The following TCF12 variants were observed in gnomAD, a reference collection of about 807,000 sequenced individuals.
TCF12 encodes the protein DNA-binding protein HTF4.
In TCF12, 45 loss-of-function variants were observed where a neutral mutation model predicts 86.0. The ratio of observed to expected loss-of-function variants is 0.52; its 90% CI spans 0.41 to 0.67. TCF12 has a LOEUF of 0.67. Among genes scored for constraint, TCF12 ranks in the 30% least tolerant of loss-of-function variants. The pLI, the probability that TCF12 is intolerant of heterozygous loss-of-function variation, is 0.00. For missense variants in TCF12, 881 were observed against 859.9 expected (o/e 1.02, Z -0.31); for synonymous variants, 330 against 299.6 (o/e 1.10, Z -1.05).
intron 4 of TCF12, among the ~76,000 whole-genome samples, chr15:57,077,325 ATATGTGTGTGTGTGTGTGTGTGTG>A (rs147609501): frequency 0.019 from 2,438 of 127,188 alleles, 201 homozygotes; most frequent in African/African-American, 0.065. Context: ...ATATGTATAT[ATATGTGTGTGTGTGTGTGTGTGTG>A]TGTGTGTGTG....
chr15:56,990,241 C>CTG (rs1298995605), intron 3 of TCF12, among the ~76,000 whole-genome samples: 14 of 122,864 alleles, frequency 1.1e-4, no homozygotes, highest in East Asian at 4.9e-4. Flanking sequence ...GTGTGTGTGT[C>CTG]TGTGTGTGCG....
chr15:57,152,868 A>G (rs1293975977), intron 5 of TCF12, among the ~76,000 whole-genome samples: 5 of 152,120 alleles, frequency 3.3e-5, no homozygotes, highest in Non-Finnish European at 7.3e-5. Flanking sequence ...ACACACACAC[A>G]CACACCACAC....
At chr15:57,273,440 A>G (rs575275051) in intron 19 of TCF12, among the ~76,000 whole-genome samples, 178 bp downstream of exon 19, 1 of 151,938 alleles carries the variant, frequency 6.6e-6, no homozygotes, top group Non-Finnish European at 1.5e-5. Flanking sequence ...ATCACCCAAT[A>G]TCTGTGGGCT....
At chr15:56,978,278 A>G (rs1037727631) in intron 3 of TCF12, among the ~76,000 whole-genome samples, 2 of 152,190 alleles carry the variant, frequency 1.3e-5, no homozygotes, top group Non-Finnish European at 2.9e-5. Flanking sequence ...AGTGAAAAGA[A>G]TACATAATAT....
At chr15:57,119,290 GT>G (rs753736978) in intron 5 of TCF12, among the ~76,000 whole-genome samples, 1 of 150,904 alleles carries the variant, frequency 6.6e-6, no homozygotes, top group Non-Finnish European at 1.5e-5. Context: ...TTGTTTGTTT[GT>G]TTTTTTGTTT....
intron 3 of TCF12, among the ~76,000 whole-genome samples, chr15:56,950,505 C>T (rs566358009): frequency 6.5e-4 from 99 of 151,700 alleles, no homozygotes; most frequent in Non-Finnish European, 1.1e-3. Flanking sequence ...GGATTACAGG[C>T]GTGAGCCACT....
At chr15:56,949,799 A>G (rs759796337) in intron 3 of TCF12, among the ~76,000 whole-genome samples, 19 of 152,216 alleles carry the variant, frequency 1.2e-4, no homozygotes, top group Non-Finnish European at 2.5e-4. Flanking sequence ...GTTCTTTAAT[A>G]GAAATGGTTA....
intron 7 of TCF12, among the ~76,000 whole-genome samples, chr15:57,194,056 A>G (rs567976968): frequency 6.6e-6 from 1 of 152,328 alleles, no homozygotes; most frequent in Non-Finnish European, 1.5e-5. Context: ...CTATGTGAGT[A>G]TATACTGTGA....
At chr15:57,056,572 A>G (rs942849309) in intron 3 of TCF12, among the ~76,000 whole-genome samples, 2 of 151,974 alleles carry the variant, frequency 1.3e-5, no homozygotes, top group African/African-American at 2.4e-5. Flanking sequence ...CAATCCTCCA[A>G]TGTTAACCTC....
upstream of TCF12, chr15:56,918,197 C>A (rs1318898946): frequency 2.2e-6 from 1 of 456,228 alleles, no homozygotes; most frequent in Non-Finnish European, 4.4e-6. Flanking sequence ...TGGCGTCCAG[C>A]GTGACCTACT....
At chr15:56,936,298 C>T (rs1036089838) in intron 3 of TCF12, among the ~76,000 whole-genome samples, 4 of 152,108 alleles carry the variant, frequency 2.6e-5, no homozygotes, top group African/African-American at 4.8e-5. Context: ...ATTGTCTATT[C>T]ATGTCCTTAG....
intron 5 of TCF12, among the ~76,000 whole-genome samples, chr15:57,128,567 A>G (rs1387941931): frequency 2.3e-4 from 35 of 152,156 alleles, no homozygotes; most frequent in Admixed American, 2.3e-3. Flanking sequence ...TAATAAAATC[A>G]CCCTTTTAAA....
At chr15:56,920,957 G>T in intron 2 of TCF12, 69 bp from the exon 3 acceptor site, 1 of 1,271,466 alleles carries the variant, frequency 7.9e-7, no homozygotes, top group Admixed American at 2.4e-5. Context: ...ATGACTTTTG[G>T]TGGACTTTTG....
intron 3 of TCF12, among the ~76,000 whole-genome samples, chr15:57,034,204 A>G (rs1476139417): frequency 6.6e-6 from 1 of 152,192 alleles, no homozygotes; most frequent in African/African-American, 2.4e-5. Context: ...ATTTTACTTG[A>G]GTCACTGAGA....
chr15:56,981,353 G>T (rs2140883390), intron 3 of TCF12, among the ~76,000 whole-genome samples: 1 of 152,290 alleles, frequency 6.6e-6, no homozygotes, highest in East Asian at 1.9e-4. Context: ...ATGCCTCTTT[G>T]CTGTGTCCTC....
intron 3 of TCF12, among the ~76,000 whole-genome samples, chr15:57,056,003 A>G (rs1262782704): frequency 2.0e-5 from 3 of 151,638 alleles, no homozygotes; most frequent in Admixed American, 2.0e-4. Flanking sequence ...TATCAATTGG[A>G]TAATTTCTGA....
At position 57,273,277 on chromosome 15, in the gene TCF12, C is replaced by A; in HGVS notation, c.1978+15C>A. 1 of 1,611,708 alleles carries A rather than the reference C, an allele frequency of 6.2e-7. No homozygotes were observed. Among genetic ancestry groups the A allele is most frequent in the South Asian group, 1.1e-5 (1 of 91,006 alleles). ...GCAAGTCAGAGGTAAGTAGGTTCAG[C>A]CGAGATGTATAACTGTTCTGCTTCA... On this transcript the variant is annotated intron_variant, in intron 19 of 20. Transcript: ENST00000333725.
At chr15:57,142,405 C>CATAGAGCCTGAGA (rs1221599171) in intron 5 of TCF12, among the ~76,000 whole-genome samples, 2 of 125,280 alleles carry the variant, frequency 1.6e-5, no homozygotes, top group Non-Finnish European at 3.6e-5. Context: ...TGTGTTCACT[C>CATAGAGCCTGAGA]ATAGAGCCTG....
intron 5 of TCF12, among the ~76,000 whole-genome samples, chr15:57,114,085 A>G (rs942282338): frequency 1.3e-5 from 2 of 152,200 alleles, no homozygotes; most frequent in South Asian, 2.1e-4. Context: ...TGAGAACCAT[A>G]TATAAGCCTA....
Sources: gnomAD v4.1 joint callset for allele counts (sites outside exome capture counted in the v4.1 genomes callset) on GRCh38, gnomAD v4.1.1 for gene constraint, MANE v1.5 for transcripts, NCBI Gene and HGNC (gene_info 2026-07-23, HGNC 2026-07-21) for gene names.